EBF1: variants seen among roughly 807,000 people sequenced by gnomAD.
EBF1 encodes EBF transcription factor 1.
In EBF1, 10 loss-of-function variants were observed where a neutral mutation model predicts 68.4. The observed-to-expected ratio is 0.15, with a 90% CI of 0.09 to 0.25. The LOEUF is 0.25. EBF1 is among the 10% of genes least tolerant of loss of function. The pLI, the probability that EBF1 is intolerant of heterozygous loss-of-function variation, is 1.00. For synonymous variants in EBF1, 298 were observed against 299.8 expected (o/e 0.99, Z 0.06); for missense variants, 509 against 794.4 (o/e 0.64, Z 4.32).
At chr5:158,743,640 A>T (rs754299467) in intron 10 of EBF1, among the ~76,000 whole-genome samples, 2 of 152,240 alleles carry the variant, frequency 1.3e-5, no homozygotes, top group Non-Finnish European at 2.9e-5. Context: ...GATTTCAGAG[A>T]GATATTTTAG....
chr5:158,984,001 G>T (rs1460763241), intron 6 of EBF1, among the ~76,000 whole-genome samples: 2 of 149,544 alleles, frequency 1.3e-5, no homozygotes, highest in Admixed American at 6.7e-5. Context: ...ACAAAAAATA[G>T]AATTAAAATG....
chr5:158,776,428 G>T (rs1234349254), intron 10 of EBF1, among the ~76,000 whole-genome samples: 1 of 152,070 alleles, frequency 6.6e-6, no homozygotes, highest in South Asian at 2.1e-4. Context: ...AATAAAATTC[G>T]TCCACTTAAT....
chr5:158,720,712 G>C (rs1294093006), intron 11 of EBF1, among the ~76,000 whole-genome samples: 1 of 152,022 alleles, frequency 6.6e-6, no homozygotes, highest in Non-Finnish European at 1.5e-5. Context: ...CATTTAGCAT[G>C]GATATAATTA....
intron 6 of EBF1, among the ~76,000 whole-genome samples, chr5:158,871,609 C>T (rs1796884711): frequency 6.6e-6 from 1 of 152,122 alleles, no homozygotes; most frequent in African/African-American, 2.4e-5. Flanking sequence ...TATAAAACCC[C>T]CTGGCCAAGG....
chr5:159,094,540 G>A (rs531773173), intron 4 of EBF1, among the ~76,000 whole-genome samples: 9 of 152,156 alleles, frequency 5.9e-5, no homozygotes, highest in Admixed American at 5.2e-4. Flanking sequence ...TATTTAAGCC[G>A]TGGTGTATCT....
chr5:158,908,616 C>T (rs1805186707), intron 6 of EBF1, among the ~76,000 whole-genome samples: 1 of 152,200 alleles, frequency 6.6e-6, no homozygotes, highest in African/African-American at 2.4e-5. Context: ...ATTGTTACTT[C>T]CACCCTGACA....
intron 6 of EBF1, among the ~76,000 whole-genome samples, chr5:158,939,263 C>A (rs760105183): frequency 6.6e-6 from 1 of 152,148 alleles, no homozygotes; most frequent in African/African-American, 2.4e-5. Context: ...ATAGCCTAGA[C>A]AGAGAAAAGA....
chr5:159,001,628 A>C (rs940699009), intron 6 of EBF1, among the ~76,000 whole-genome samples: 16 of 152,130 alleles, frequency 1.1e-4, no homozygotes, highest in African/African-American at 2.9e-4. Context: ...TATTACCTTC[A>C]TCTTGTCCTT....
chr5:158,969,987 C>A (rs1755284028), intron 6 of EBF1, among the ~76,000 whole-genome samples: 1 of 150,860 alleles, frequency 6.6e-6, no homozygotes, highest in Non-Finnish European at 1.5e-5. Context: ...GAAACACACC[C>A]CAAACAAAAG....
At chr5:158,855,494 C>T (rs534952189) in intron 6 of EBF1, among the ~76,000 whole-genome samples, 1 of 152,298 alleles carries the variant, frequency 6.6e-6, no homozygotes, top group South Asian at 2.1e-4. Flanking sequence ...TTCACATCCA[C>T]AGAATGCCAA....
chr5:158,962,268 A>G (rs1473663274), intron 6 of EBF1, among the ~76,000 whole-genome samples: 1 of 152,166 alleles, frequency 6.6e-6, no homozygotes, highest in Non-Finnish European at 1.5e-5. Flanking sequence ...GTAGGCCCCA[A>G]ACAAAACAAA....
chr5:159,073,298 G>T, intron 6 of EBF1, 98 bp downstream of exon 6: 1 of 1,288,462 alleles, frequency 7.8e-7, no homozygotes. Flanking sequence ...GCAAATTTCA[G>T]CCACATGCAT....
In EBF1 at chr5:158,831,146, C is replaced by T. The variant is rs375698446; in HGVS notation, c.637-7829G>A. Reference sequence around the variant, plus strand: ...GGGTGTCATTGGTGTTTAGCTGGTGCTCTCTGTGTGTGTGTCCTCATTGGC... The same window carrying T: ...GGGTGTCATTGGTGTTTAGCTGGTGTTCTCTGTGTGTGTGTCCTCATTGGC... On this transcript the variant is annotated intron_variant, in intron 7 of 15. Transcript: ENST00000313708. Among the ~76,000 whole-genome samples, 4 of 152,160 alleles carry T rather than the reference C, an allele frequency of 2.6e-5. No individual in the cohort carries two copies. The East Asian group carries it at 7.7e-4, about 29-fold the overall frequency.
chr5:158,902,242 G>C (rs969794331), intron 6 of EBF1, among the ~76,000 whole-genome samples: 5 of 152,058 alleles, frequency 3.3e-5, no homozygotes, highest in African/African-American at 1.2e-4. Flanking sequence ...TAATAACAAT[G>C]TCTCCCATGA....
At position 158,698,813 on chromosome 5, in the gene EBF1, A is replaced by C; in HGVS notation, c.*298T>G. The C allele has an allele frequency of 1.0e-5, 3 of 293,736 alleles. No homozygotes were observed. The highest frequency in any genetic ancestry group is 6.3e-6 in the Non-Finnish European group (1 of 159,674). The allele number at this position is 293,736 out of a possible 1,614,324, so 18.2% of individuals were successfully genotyped here. ...TTTATAAAAGACAAATGATTGCAGA[A>C]TTAAGCTTAAAAAAAAAAAAGAAAA... is the stretch of plus-strand genomic sequence containing the variant. On this transcript the variant is annotated 3_prime_UTR_variant, in exon 16 of 16. Coordinates refer to ENST00000313708, the MANE Select transcript of EBF1 (RefSeq NM_024007.5).
At chr5:159,007,201 T>C (rs370196181) in intron 6 of EBF1, among the ~76,000 whole-genome samples, 1 of 151,562 alleles carries the variant, frequency 6.6e-6, no homozygotes, top group Non-Finnish European at 1.5e-5. Flanking sequence ...ATGTCTCAGA[T>C]GAATTAAAGG....
chr5:158,727,075 CAT>C (rs1231127496), intron 11 of EBF1, among the ~76,000 whole-genome samples: 3 of 152,342 alleles, frequency 2.0e-5, no homozygotes, highest in Admixed American at 1.3e-4. Flanking sequence ...GAGGTTGAGT[CAT>C]GTGTACCAAG....
At chr5:159,048,359 C>T (rs960846659) in intron 6 of EBF1, among the ~76,000 whole-genome samples, 1 of 152,238 alleles carries the variant, frequency 6.6e-6, no homozygotes, top group African/African-American at 2.4e-5. Context: ...CCTCTGACTT[C>T]AGCCACATGT....
intron 6 of EBF1, among the ~76,000 whole-genome samples, chr5:159,047,229 T>C (rs1438803244): frequency 1.3e-5 from 2 of 152,140 alleles, no homozygotes; most frequent in Non-Finnish European, 2.9e-5. Context: ...ATTGAGCTTC[T>C]CAGAGAGGAA....
Sources: gnomAD v4.1 joint callset for allele counts (sites outside exome capture counted in the v4.1 genomes callset) on GRCh38, gnomAD v4.1.1 for gene constraint, MANE v1.5 for transcripts, NCBI Gene and HGNC (gene_info 2026-07-23, HGNC 2026-07-21) for gene names.